Variants in DPY19L1 observed in about 807,000 individuals in gnomAD.
The protein encoded by DPY19L1 is protein C-mannosyl-transferase DPY19L1.
DPY19L1 carries 35 observed loss-of-function variants against 96.9 expected under a neutral mutation model. The observed-to-expected ratio is 0.36, with a 90% CI of 0.28 to 0.48. DPY19L1 has a LOEUF of 0.48. Ranked by LOEUF, DPY19L1 falls within the 20% of genes least tolerant of loss-of-function variation. The pLI is 0.99. For synonymous variants in DPY19L1, 205 were observed against 252.6 expected (o/e 0.81, Z 1.79); for missense variants, 521 against 777.9 (o/e 0.67, Z 3.93).
intron 6 of DPY19L1, among the ~76,000 whole-genome samples, chr7:34,999,724 A>G (rs1275764781): frequency 6.6e-6 from 1 of 152,236 alleles, no homozygotes; most frequent in African/African-American, 2.4e-5. Flanking sequence ...AAGTGTTTAC[A>G]GTTCAGCTGT....
intron 21 of DPY19L1, among the ~76,000 whole-genome samples, chr7:34,934,068 A>T (rs1783814302): frequency 6.6e-6 from 1 of 151,880 alleles, no homozygotes. Context: ...GGTTCACGTC[A>T]TTCTCCTGCC....
chr7:35,015,391 T>A (rs1201202554), intron 3 of DPY19L1, among the ~76,000 whole-genome samples: 1 of 152,178 alleles, frequency 6.6e-6, no homozygotes, highest in East Asian at 1.9e-4. Flanking sequence ...AAGACCCTGC[T>A]GATAACACAG....
At chr7:35,033,734 C>A (rs1786319269) in intron 1 of DPY19L1, among the ~76,000 whole-genome samples, 1 of 152,138 alleles carries the variant, frequency 6.6e-6, no homozygotes, top group African/African-American at 2.4e-5. Flanking sequence ...CAGTTTCTGA[C>A]CACTTCTGCC....
At chr7:35,037,986 C>G (rs1184790120), upstream of DPY19L1, 24 of 1,086,212 alleles carry the variant, frequency 2.2e-5, no homozygotes, top group Middle Eastern at 3.4e-4. Flanking sequence ...GCTTGGAGCC[C>G]GCGCAGGCGA....
chr7:35,022,004 G>A (rs1366169289), intron 1 of DPY19L1, among the ~76,000 whole-genome samples: 1 of 152,156 alleles, frequency 6.6e-6, no homozygotes, highest in Non-Finnish European at 1.5e-5. Context: ...CAAATACTGA[G>A]TTGTGAGCAT....
At chr7:35,014,579 CAA>C (rs935571948) in intron 3 of DPY19L1, among the ~76,000 whole-genome samples, 9 of 152,024 alleles carry the variant, frequency 5.9e-5, no homozygotes, top group Non-Finnish European at 1.2e-4. Flanking sequence ...CTCACAAATA[CAA>C]AAGAGATATG....
intron 3 of DPY19L1, among the ~76,000 whole-genome samples, 185 bp downstream of exon 3, chr7:35,017,690 TAAAAATA>T (rs1333187978): frequency 1.3e-5 from 2 of 149,110 alleles, no homozygotes; most frequent in Non-Finnish European, 3.0e-5. Flanking sequence ...AATTAATAAA[TAAAAATA>T]AAAAATAAAA....
At chr7:34,959,933 A>T (rs796337126) in intron 10 of DPY19L1, among the ~76,000 whole-genome samples, 7 of 77,826 alleles carry the variant, frequency 9.0e-5, no homozygotes, top group Non-Finnish European at 2.3e-4. Flanking sequence ...ATTTATATAT[A>T]TATATATATA....
At chr7:35,036,080 A>C (rs1786391864) in intron 1 of DPY19L1, among the ~76,000 whole-genome samples, 1 of 152,176 alleles carries the variant, frequency 6.6e-6, no homozygotes, top group East Asian at 1.9e-4. Context: ...TTTATGACTG[A>C]GTGGCTTTTA....
At chr7:35,003,595 T>C (rs1450555701) in intron 6 of DPY19L1, among the ~76,000 whole-genome samples, 1 of 152,238 alleles carries the variant, frequency 6.6e-6, no homozygotes, top group Non-Finnish European at 1.5e-5. Context: ...CCTCATGATA[T>C]TTCTGCTGGA....
At chr7:34,963,354 G>GTCTCC (rs1784542778) in intron 10 of DPY19L1, among the ~76,000 whole-genome samples, 1 of 152,158 alleles carries the variant, frequency 6.6e-6, no homozygotes, top group Non-Finnish European at 1.5e-5. Flanking sequence ...TGATTACATG[G>GTCTCC]AGAAAATAGA....
chr7:34,994,462 A>G (rs1296378323), intron 6 of DPY19L1, among the ~76,000 whole-genome samples: 2 of 152,212 alleles, frequency 1.3e-5, no homozygotes, highest in African/African-American at 4.8e-5. Context: ...TAATAACTTT[A>G]ATTTTCTAAA....
At chr7:34,975,201 C>A (rs1448930813) in intron 7 of DPY19L1, among the ~76,000 whole-genome samples, 1 of 152,180 alleles carries the variant, frequency 6.6e-6, no homozygotes, top group Non-Finnish European at 1.5e-5. Context: ...GAAGGCATGT[C>A]AAAAGCCGAG....
chr7:34,954,071 G>T (rs145786211), intron 13 of DPY19L1, among the ~76,000 whole-genome samples: 1 of 152,140 alleles, frequency 6.6e-6, no homozygotes, highest in Non-Finnish European at 1.5e-5. Context: ...TTCTTGTGCT[G>T]CTTTTTTAAA....
chr7:35,003,835 GTC>G (rs1222057242), intron 6 of DPY19L1, among the ~76,000 whole-genome samples: 1 of 152,254 alleles, frequency 6.6e-6, no homozygotes. Context: ...GTGTACTGTA[GTC>G]TCTCAGGGGA....
intron 10 of DPY19L1, among the ~76,000 whole-genome samples, chr7:34,959,545 T>C (rs1784447247): frequency 6.6e-6 from 1 of 152,082 alleles, no homozygotes; most frequent in South Asian, 2.1e-4. Flanking sequence ...TAAAAAAGGA[T>C]GAGTTCATGT....
intron 16 of DPY19L1, among the ~76,000 whole-genome samples, chr7:34,944,431 C>G (rs999265769): frequency 2.0e-5 from 3 of 150,234 alleles, no homozygotes; most frequent in African/African-American, 7.3e-5. Flanking sequence ...ATTCGACAAT[C>G]CTTCTCCCCC....
At chr7:34,974,122 T>C (rs571977521) in intron 7 of DPY19L1, among the ~76,000 whole-genome samples, 4 of 152,300 alleles carry the variant, frequency 2.6e-5, no homozygotes, top group East Asian at 3.9e-4. Context: ...TATTTAAAAG[T>C]AGGCAGTGTA....
chr7:35,013,144 T>C (rs947175428), intron 4 of DPY19L1, among the ~76,000 whole-genome samples: 26 of 152,290 alleles, frequency 1.7e-4, no homozygotes, highest in African/African-American at 6.3e-4. Flanking sequence ...AACAAATTTA[T>C]AGTTTTGCAA....
Sources: gnomAD v4.1 joint callset for allele counts (sites outside exome capture counted in the v4.1 genomes callset) on GRCh38, gnomAD v4.1.1 for gene constraint, MANE v1.5 for transcripts, NCBI Gene and HGNC (gene_info 2026-07-23, HGNC 2026-07-21) for gene names.